Variants in NRG4 observed in about 807,000 individuals in gnomAD.
NRG4 encodes pro-neuregulin-4, membrane-bound isoform.
Under a neutral mutation model 15.0 loss-of-function variants are expected in NRG4, and 10 were observed. The observed-to-expected ratio is 0.67, with a 90% CI of 0.41 to 1.13. The LOEUF (loss-of-function observed/expected upper bound fraction) is 1.13, where lower values mean the gene tolerates loss of function less well. Among genes scored for constraint, NRG4 ranks in the 50% most tolerant of loss-of-function variants. NRG4 has a pLI of 0.00. For synonymous variants in NRG4, 41 were observed against 50.1 expected (o/e 0.82, Z 0.77); for missense variants, 139 against 140.2 (o/e 0.99, Z 0.04).
At chr15:75,951,853 G>A (rs995693036) in intron 5 of NRG4, among the ~76,000 whole-genome samples, 3 of 152,078 alleles carry the variant, frequency 2.0e-5, no homozygotes, top group East Asian at 1.9e-4. Flanking sequence ...TAAATAATAC[G>A]AGAAAGATCT....
intron 3 of NRG4, among the ~76,000 whole-genome samples, chr15:75,979,570 C>T (rs1475355346): frequency 1.3e-5 from 2 of 151,984 alleles, no homozygotes; most frequent in Non-Finnish European, 2.9e-5. Context: ...GTTACATTTC[C>T]AGCTTTAATC....
At chr15:76,039,836 C>T (rs977183361) in intron 4 of NRG4, among the ~76,000 whole-genome samples, 3 of 152,070 alleles carry the variant, frequency 2.0e-5, no homozygotes, top group Admixed American at 6.6e-5. Flanking sequence ...CCATTTGAGG[C>T]CAGGAGTTTG....
chr15:76,003,016 C>CA (rs2034470204), intron 3 of NRG4, among the ~76,000 whole-genome samples: 2 of 152,146 alleles, frequency 1.3e-5, no homozygotes, highest in East Asian at 3.9e-4. Flanking sequence ...ATCAACTGCT[C>CA]CTTTTCAAAT....
intron 3 of NRG4, among the ~76,000 whole-genome samples, chr15:75,989,889 T>A (rs915106069): frequency 6.6e-6 from 1 of 152,346 alleles, no homozygotes; most frequent in Middle Eastern, 3.4e-3. Flanking sequence ...AGCATTGAAC[T>A]TTGCTTTGGG....
intron 3 of NRG4, among the ~76,000 whole-genome samples, chr15:75,975,089 C>T (rs1320645714): frequency 2.0e-5 from 3 of 152,190 alleles, no homozygotes; most frequent in African/African-American, 7.2e-5. Context: ...GCATTGATCC[C>T]TTTACCATTA....
intron 4 of NRG4, among the ~76,000 whole-genome samples, chr15:75,959,722 A>C (rs147784370): frequency 6.6e-6 from 1 of 152,042 alleles, no homozygotes. Context: ...GCTGGTCTCA[A>C]ACTCCTGGGC....
At chr15:76,056,290 G>GA (rs572915757) in intron 2 of NRG4, among the ~76,000 whole-genome samples, 5,613 of 148,222 alleles carry the variant, frequency 0.038, 178 homozygotes, top group African/African-American at 0.086. Context: ...TCTACTTAAA[G>GA]AAAAAAAAAA....
chr15:76,042,168 A>G (rs962280842), intron 4 of NRG4, among the ~76,000 whole-genome samples: 1 of 152,164 alleles, frequency 6.6e-6, no homozygotes, highest in African/African-American at 2.4e-5. Flanking sequence ...AACCTATGGG[A>G]TACAGCAAAA....
intron 3 of NRG4, among the ~76,000 whole-genome samples, chr15:75,983,364 A>C (rs1035308712): frequency 6.6e-5 from 10 of 152,216 alleles, no homozygotes; most frequent in African/African-American, 2.4e-4. Context: ...GCATGATAAA[A>C]TATATCCATC....
intron 1 of NRG4, chr15:76,011,967 G>A (rs572294167): frequency 1.3e-5 from 2 of 152,114 alleles, no homozygotes; most frequent in African/African-American, 4.8e-5. Flanking sequence ...TGCTATAACA[G>A]AAACAAAAGA....
intron 3 of NRG4, among the ~76,000 whole-genome samples, chr15:75,966,611 G>A (rs1235083779): frequency 1.3e-5 from 2 of 152,044 alleles, no homozygotes; most frequent in East Asian, 1.9e-4. Flanking sequence ...AAAAGACTTC[G>A]CTAACCAAAG....
intron 5 of NRG4, among the ~76,000 whole-genome samples, chr15:76,020,735 C>T (rs1376860345): frequency 6.6e-6 from 1 of 152,218 alleles, no homozygotes; most frequent in African/African-American, 2.4e-5. Context: ...AAGCCAAAGC[C>T]TAATCCAGAG....
At chr15:75,955,724 T>G in intron 5 of NRG4, among the ~76,000 whole-genome samples, 1 of 151,704 alleles carries the variant, frequency 6.6e-6, no homozygotes, top group South Asian at 2.1e-4. Flanking sequence ...ATTGTTTTCT[T>G]TGGGAAAAAA....
chr15:75,984,385 C>T (rs2033716003), intron 3 of NRG4, among the ~76,000 whole-genome samples: 1 of 152,098 alleles, frequency 6.6e-6, no homozygotes. Context: ...TTAGAACCAA[C>T]CCAAATGTCC....
chr15:75,974,351 G>A (rs187499818), intron 3 of NRG4, among the ~76,000 whole-genome samples: 4 of 152,022 alleles, frequency 2.6e-5, no homozygotes, highest in South Asian at 2.1e-4. Context: ...AGGATTTTTC[G>A]TGTCTCTATC....
At chr15:75,991,920 CTCTT>C (rs1288655556) in intron 3 of NRG4, among the ~76,000 whole-genome samples, 1 of 152,046 alleles carries the variant, frequency 6.6e-6, no homozygotes, top group East Asian at 1.9e-4. Flanking sequence ...CCCACTGTTT[CTCTT>C]TCTTCCATTT....
At chr15:75,992,031 G>C (rs1348125725) in intron 3 of NRG4, among the ~76,000 whole-genome samples, 1 of 151,832 alleles carries the variant, frequency 6.6e-6, no homozygotes, top group Admixed American at 6.6e-5. Context: ...TACATTTTTA[G>C]TGGTTATTCT....
At chr15:76,013,071 C>T (rs183703373), upstream of NRG4, among the ~76,000 whole-genome samples, 1 of 152,254 alleles carries the variant, frequency 6.6e-6, no homozygotes, top group East Asian at 1.9e-4. Flanking sequence ...ATATAATTAT[C>T]TAAAATATGC....
intron 4 of NRG4, among the ~76,000 whole-genome samples, chr15:76,050,903 T>C (rs868426974): frequency 4.7e-5 from 7 of 150,260 alleles, no homozygotes; most frequent in South Asian, 4.2e-4. Flanking sequence ...ACTCCTGGGC[T>C]CACGCTATCC....
Sources: gnomAD v4.1 joint callset for allele counts (sites outside exome capture counted in the v4.1 genomes callset) on GRCh38, gnomAD v4.1.1 for gene constraint, MANE v1.5 for transcripts, NCBI Gene and HGNC (gene_info 2026-07-23, HGNC 2026-07-21) for gene names.